Variants in HEMK2 observed in about 807,000 individuals in gnomAD.
HEMK2 encodes HemK methyltransferase 2, ETF1 glutamine and histone H4 lysine.
At chr21:28,764,777 T>C in the HEMK2 span, among the ~76,000 whole-genome samples, 1 of 152,106 alleles carries the variant, frequency 6.6e-6, no homozygotes, top group Non-Finnish European at 1.5e-5. Flanking sequence ...AATCAGGTAA[T>C]GTGATTATTT....
chr21:28,794,994 A>G, the HEMK2 span, among the ~76,000 whole-genome samples: 1 of 152,236 alleles, frequency 6.6e-6, no homozygotes, highest in Admixed American at 6.5e-5. Context: ...AGGTTCTGCC[A>G]TTTTTCTGAA....
chr21:28,815,722 T>C, the HEMK2 span, among the ~76,000 whole-genome samples: 1 of 151,946 alleles, frequency 6.6e-6, no homozygotes, highest in Non-Finnish European at 1.5e-5. Context: ...TACCAAATAT[T>C]TGAGTAAAAG....
chr21:28,850,142 C>A, the HEMK2 span, among the ~76,000 whole-genome samples: 1 of 151,724 alleles, frequency 6.6e-6, no homozygotes, highest in Non-Finnish European at 1.5e-5. Context: ...CAAAGGAAAT[C>A]CTGTCAGATG....
At chr21:28,848,938 T>C in the HEMK2 span, among the ~76,000 whole-genome samples, 1 of 152,096 alleles carries the variant, frequency 6.6e-6, no homozygotes, top group African/African-American at 2.4e-5. Flanking sequence ...GCCACTGGTA[T>C]GAGTGCACGC....
At chr21:28,762,018 C>A in the HEMK2 span, among the ~76,000 whole-genome samples, 1 of 152,092 alleles carries the variant, frequency 6.6e-6, no homozygotes, top group African/African-American at 2.4e-5. Flanking sequence ...AAAATCTCTA[C>A]CATTGTGTAT....
chr21:28,845,001 A>G, the HEMK2 span, among the ~76,000 whole-genome samples: 1 of 151,964 alleles, frequency 6.6e-6, no homozygotes, highest in Admixed American at 6.6e-5. Context: ...AAATATGTCT[A>G]TCTTTTATAG....
the HEMK2 span, among the ~76,000 whole-genome samples, chr21:28,828,292 A>ACCCC: frequency 3.3e-5 from 5 of 152,152 alleles, no homozygotes; most frequent in African/African-American, 1.2e-4. Context: ...GAGCAGTGGG[A>ACCCC]TTTAGATGCA....
At chr21:28,646,814 G>A in the HEMK2 span, among the ~76,000 whole-genome samples, 1 of 152,182 alleles carries the variant, frequency 6.6e-6, no homozygotes, top group East Asian at 1.9e-4. Flanking sequence ...AACAGCATTG[G>A]TTGGGGCATG....
the HEMK2 span, among the ~76,000 whole-genome samples, chr21:28,866,175 A>ACAC: frequency 6.8e-3 from 519 of 76,216 alleles, 36 homozygotes; most frequent in East Asian, 0.069. Context: ...CAAAAAAAAA[A>ACAC]ACACACACAC....
At chr21:28,884,676 G>A in the HEMK2 span, among the ~76,000 whole-genome samples, 1 of 152,122 alleles carries the variant, frequency 6.6e-6, no homozygotes, top group East Asian at 1.9e-4. Context: ...CACATTTCAA[G>A]CGCTCTGTAG....
At chr21:28,727,728 T>A in the HEMK2 span, among the ~76,000 whole-genome samples, 3 of 152,334 alleles carry the variant, frequency 2.0e-5, no homozygotes, top group African/African-American at 7.2e-5. Context: ...CGTAGGTAAA[T>A]TTGATGTTCA....
the HEMK2 span, among the ~76,000 whole-genome samples, chr21:28,672,651 G>C: frequency 6.6e-6 from 1 of 151,940 alleles, no homozygotes; most frequent in Non-Finnish European, 1.5e-5. Flanking sequence ...TAAATGTAGA[G>C]AGAATATTTA....
chr21:28,667,543 G>C, the HEMK2 span, among the ~76,000 whole-genome samples: 1 of 151,616 alleles, frequency 6.6e-6, no homozygotes, highest in East Asian at 1.9e-4. Context: ...TGCTTTTCTA[G>C]GAGTATTTAT....
chr21:28,872,344 C>T, the HEMK2 span: 1 of 152,180 alleles, frequency 6.6e-6, no homozygotes, highest in South Asian at 2.1e-4. Flanking sequence ...GCAAACTCCT[C>T]GTGGCTCCAC....
At chr21:28,744,665 G>C in the HEMK2 span, among the ~76,000 whole-genome samples, 1 of 152,146 alleles carries the variant, frequency 6.6e-6, no homozygotes, top group Non-Finnish European at 1.5e-5. Flanking sequence ...CCATGTGTGA[G>C]GCTTGAGCTG....
chr21:28,589,956 G>C, the HEMK2 span, among the ~76,000 whole-genome samples: 3 of 152,214 alleles, frequency 2.0e-5, no homozygotes, highest in South Asian at 2.1e-4. Context: ...GACTCTCCCA[G>C]CTTCCTTCAG....
chr21:28,704,863 T>A, the HEMK2 span, among the ~76,000 whole-genome samples: 1 of 152,228 alleles, frequency 6.6e-6, no homozygotes, highest in Non-Finnish European at 1.5e-5. Context: ...TTTGTCCTGG[T>A]CCCTGTACCA....
chr21:28,846,118 A>C, the HEMK2 span, among the ~76,000 whole-genome samples: 1 of 152,158 alleles, frequency 6.6e-6, no homozygotes, highest in Non-Finnish European at 1.5e-5. Flanking sequence ...TGCTGCAAAG[A>C]ACATAATCTT....
At chr21:28,878,910 G>C in the HEMK2 span, among the ~76,000 whole-genome samples, 1 of 147,930 alleles carries the variant, frequency 6.8e-6, no homozygotes, top group Admixed American at 6.8e-5. Context: ...TCTAAGGAAT[G>C]CATTTATTTA....
Sources: allele counts gnomAD v4.1 joint callset (sites outside exome capture counted in the v4.1 genomes callset), GRCh38; gene constraint gnomAD v4.1.1; transcripts MANE v1.5; gene names NCBI Gene and HGNC (gene_info 2026-07-23, HGNC 2026-07-21).